CEP112: variants seen among roughly 807,000 people sequenced by gnomAD.
The protein encoded by CEP112 is centrosomal protein 112.
In CEP112, 127 loss-of-function variants were observed where a neutral mutation model predicts 153.0. The observed-to-expected ratio is 0.83, with a 90% confidence interval of 0.72 to 0.96. The LOEUF (loss-of-function observed/expected upper bound fraction) is 0.96, where lower values mean the gene tolerates loss of function less well. CEP112 is among the 40% of genes least tolerant of loss of function. The pLI, the probability that CEP112 is intolerant of heterozygous loss-of-function variation, is 0.00. For missense variants in CEP112, 1,089 were observed against 1,101.2 expected (o/e 0.99, Z 0.16); for synonymous variants, 358 against 374.4 (o/e 0.96, Z 0.51).
chr17:65,992,744 T>G (rs2193427), intron 17 of CEP112, among the ~76,000 whole-genome samples: 88,520 of 151,590 alleles, frequency 0.58, 27,196 homozygotes, highest in African/African-American at 0.72. Context: ...ACAAACAAAA[T>G]GATCAAGTCA....
At chr17:65,656,893 A>T (rs569185024) in intron 24 of CEP112, among the ~76,000 whole-genome samples, 1 of 152,348 alleles carries the variant, frequency 6.6e-6, no homozygotes, top group African/African-American at 2.4e-5. Context: ...TCAAAATGAC[A>T]AGGTCTTCGG....
rs1201651585 is a variant in CEP112 at position 66,133,897 on chromosome 17, G to A, written c.471-1134C>T. 2.6e-5 allele frequency among the ~76,000 whole-genome samples: 4 copies of A among 152,190 alleles called. No individual in the cohort carries two copies. In the East Asian group the frequency reaches 7.7e-4, roughly 29 times the overall value. On this transcript the variant is annotated intron_variant, in intron 4 of 26. Transcript: ENST00000535342. ...TTCCTTAGACTAGTTAATAAGTAAT[G>A]TAAAATGGCTGAAAAAGCTGTTTTA...
chr17:65,690,448 A>AAT (rs1175105899), intron 23 of CEP112, among the ~76,000 whole-genome samples: 1 of 150,698 alleles, frequency 6.6e-6, no homozygotes, highest in South Asian at 2.1e-4. Flanking sequence ...AAAAAAAAAA[A>AAT]TCCTTGCATT....
At chr17:65,808,871 G>C (rs1372048759) in intron 21 of CEP112, among the ~76,000 whole-genome samples, 2 of 152,108 alleles carry the variant, frequency 1.3e-5, no homozygotes, top group African/African-American at 2.4e-5. Context: ...CTTTATAGCA[G>C]TATAAAAATG....
At chr17:65,972,398 T>C (rs957630810) in intron 17 of CEP112, among the ~76,000 whole-genome samples, 2 of 152,198 alleles carry the variant, frequency 1.3e-5, no homozygotes, top group African/African-American at 4.8e-5. Flanking sequence ...AACAATGTAC[T>C]TGAAGGAAAC....
At position 65,970,483 on chromosome 17, in the gene CEP112, G is replaced by A. The variant is rs866861601; in HGVS notation, c.1737-8885C>T. Among the ~76,000 whole-genome samples the A allele has an allele frequency of 1.3e-4, 9 of 68,434 alleles. 1 individual carries two copies. The highest frequency in any genetic ancestry group is 2.7e-4 in the African/African-American group (7 of 25,480). 44.9% of individuals were successfully genotyped at this position (68,434 alleles called of 152,430 possible). On this transcript the variant is annotated intron_variant, in intron 17 of 26. Coordinates refer to ENST00000535342, the MANE Select transcript of CEP112 (RefSeq NM_001199165.4). The stretch of plus-strand genomic sequence containing the variant: ...ATGCACACATGCATGTATATTACAT[G>A]CATGCACACTACATGCATATTATAT...
chr17:65,690,284 G>C (rs925418504), intron 23 of CEP112, among the ~76,000 whole-genome samples: 5 of 151,712 alleles, frequency 3.3e-5, no homozygotes, highest in Non-Finnish European at 5.9e-5. Context: ...TAATTAGCTG[G>C]GTGTGGGGGT....
intron 24 of CEP112, among the ~76,000 whole-genome samples, chr17:65,650,735 A>AT (rs58858039): frequency 0.1 from 5,107 of 51,184 alleles, 201 homozygotes; most frequent in South Asian, 0.17. Context: ...TCTACTAAAA[A>AT]AAAAAAAAAA....
At chr17:65,751,952 T>TTCTATCTATCTA (rs60646634) in intron 21 of CEP112, among the ~76,000 whole-genome samples, 9 of 145,932 alleles carry the variant, frequency 6.2e-5, no homozygotes, top group South Asian at 4.6e-4. Flanking sequence ...AATACAGTCC[T>TTCTATCTATCTA]TCTATCTATC....
At chr17:66,126,844 AAT>A (rs1375945180) in intron 6 of CEP112, among the ~76,000 whole-genome samples, 3 of 152,196 alleles carry the variant, frequency 2.0e-5, no homozygotes, top group Non-Finnish European at 4.4e-5. Context: ...TAACATCAGT[AAT>A]ATAAAAAATG....
chr17:66,018,752 A>G (rs1442698982), intron 16 of CEP112, among the ~76,000 whole-genome samples: 1 of 152,322 alleles, frequency 6.6e-6, no homozygotes, highest in East Asian at 1.9e-4. Flanking sequence ...TGTGAACTCC[A>G]TTAGACTTCG....
At chr17:65,696,289 C>G (rs1489921417) in intron 23 of CEP112, among the ~76,000 whole-genome samples, 1 of 152,188 alleles carries the variant, frequency 6.6e-6, no homozygotes, top group African/African-American at 2.4e-5. Context: ...ATCATGAGGT[C>G]TCTGAGCACG....
intron 16 of CEP112, among the ~76,000 whole-genome samples, chr17:66,009,085 T>A (rs1261034145): frequency 6.6e-6 from 1 of 152,158 alleles, no homozygotes; most frequent in Non-Finnish European, 1.5e-5. Context: ...GTGCTATTTT[T>A]AATTTTTTGA....
At chr17:66,122,823 C>T (rs1385032823) in intron 6 of CEP112, among the ~76,000 whole-genome samples, 1 of 152,172 alleles carries the variant, frequency 6.6e-6, no homozygotes, top group Non-Finnish European at 1.5e-5. Context: ...CTCTTCTTAG[C>T]TGTCTCTGTC....
At chr17:65,885,327 A>T (rs1185564370) in intron 20 of CEP112, among the ~76,000 whole-genome samples, 1 of 152,130 alleles carries the variant, frequency 6.6e-6, no homozygotes, top group Non-Finnish European at 1.5e-5. Context: ...CAGTTACTTA[A>T]CTATTTGGCT....
intron 23 of CEP112, among the ~76,000 whole-genome samples, chr17:65,701,682 G>A (rs983490716): frequency 6.6e-6 from 1 of 151,962 alleles, no homozygotes; most frequent in African/African-American, 2.4e-5. Flanking sequence ...GTATATGGTG[G>A]CCTTACCATC....
At chr17:65,889,151 C>G (rs928594089) in intron 20 of CEP112, among the ~76,000 whole-genome samples, 7 of 152,122 alleles carry the variant, frequency 4.6e-5, no homozygotes, top group African/African-American at 1.7e-4. Context: ...TATCACTAAA[C>G]AAGCCCGGTT....
chr17:65,690,904 G>A (rs1819017898), intron 23 of CEP112, among the ~76,000 whole-genome samples: 1 of 152,168 alleles, frequency 6.6e-6, no homozygotes, highest in Non-Finnish European at 1.5e-5. Context: ...AGCAGGTGCT[G>A]CTTTCATTGT....
At chr17:66,069,038 C>T (rs1414975902) in intron 9 of CEP112, among the ~76,000 whole-genome samples, 2 of 151,456 alleles carry the variant, frequency 1.3e-5, no homozygotes, top group East Asian at 3.8e-4. Flanking sequence ...CAGTGGTTTC[C>T]TCCTTATTGC....
Sources: allele counts gnomAD v4.1 joint callset (sites outside exome capture counted in the v4.1 genomes callset), GRCh38; gene constraint gnomAD v4.1.1; transcripts MANE v1.5; gene names NCBI Gene and HGNC (gene_info 2026-07-23, HGNC 2026-07-21).